The following GAN variants were observed in gnomAD, a reference collection of about 807,000 sequenced individuals.
GAN encodes gigaxonin.
A neutral mutation model predicts 71.3 loss-of-function variants in GAN; 48 were observed. The ratio of observed to expected loss-of-function variants is 0.67; its 90% CI spans 0.53 to 0.86. The LOEUF (loss-of-function observed/expected upper bound fraction) is 0.86. Ranked by LOEUF, GAN falls within the 40% of genes least tolerant of loss-of-function variation. The pLI, the probability that GAN is intolerant of heterozygous loss-of-function variation, is 0.00. For synonymous variants in GAN, 386 were observed against 276.8 expected (o/e 1.39, Z -3.92); for missense variants, 928 against 770.1 (o/e 1.21, Z -2.43).
At chr16:81,353,566 G>C (rs78856507) in intron 2 of GAN, among the ~76,000 whole-genome samples, 3,844 of 152,212 alleles carry the variant, frequency 0.025, 78 homozygotes, top group East Asian at 0.081. Flanking sequence ...GGTACAAAAA[G>C]TGTAAAATGT....
At chr16:81,361,806 C>T (rs1300847699) in intron 5 of GAN, among the ~76,000 whole-genome samples, 1 of 152,086 alleles carries the variant, frequency 6.6e-6, no homozygotes, top group Non-Finnish European at 1.5e-5. Context: ...GCGATCCTCC[C>T]ATTTCAGCCT....
intron 1 of GAN, among the ~76,000 whole-genome samples, chr16:81,317,865 A>AT (rs556655695): frequency 7.7e-4 from 114 of 147,638 alleles, no homozygotes; most frequent in African/African-American, 9.4e-4. Context: ...GAGAAGGCAG[A>AT]TTTTTTTTTT....
At position 81,382,149 on chromosome 16, in the gene GAN, C is replaced by T. The variant is rs1346790100; in HGVS notation, c.*4553C>T. ...AGGCAGGGCACTCTCCCCATTGTAC[C>T]AGGGTAATCTTGGAGGCCTGATAGA... On this transcript the variant is annotated 3_prime_UTR_variant, in exon 11 of 11. Coordinates refer to ENST00000648994, the MANE Select transcript of GAN (RefSeq NM_022041.4). 1.3e-5 allele frequency: 2 copies of T among 152,116 alleles called. No individual in the cohort carries two copies. Among genetic ancestry groups the T allele is most frequent in the Non-Finnish European group, 2.9e-5 (2 of 68,038 alleles). The allele number at this position is 152,116 out of a possible 1,614,324, so 9.4% of individuals were successfully genotyped here.
chr16:81,363,972 C>T (rs759194487), intron 7 of GAN, 29 bp downstream of exon 7: 13 of 1,562,498 alleles, frequency 8.3e-6, no homozygotes, highest in Admixed American at 3.3e-5. Context: ...GATAACTAGT[C>T]TGTGTACACA....
intron 1 of GAN, among the ~76,000 whole-genome samples, chr16:81,325,066 G>T (rs535238570): frequency 1.3e-5 from 2 of 152,084 alleles, no homozygotes; most frequent in Non-Finnish European, 2.9e-5. Context: ...TCCCAGGCAC[G>T]GATGCTCCCA....
chr16:81,337,702 G>A (rs1909809783), intron 1 of GAN, among the ~76,000 whole-genome samples: 1 of 152,178 alleles, frequency 6.6e-6, no homozygotes, highest in South Asian at 2.1e-4. Context: ...TTATTAGCTA[G>A]TAGCCAACGA....
chr16:81,360,971 CCCA>C (rs1415658246), intron 5 of GAN, among the ~76,000 whole-genome samples: 227 of 152,260 alleles, frequency 1.5e-3, no homozygotes, highest in African/African-American at 5.3e-3. Context: ...CACCTATAAT[CCCA>C]GCACTTTTGG....
In GAN at chr16:81,351,522, T is replaced by C. The variant is rs1910299455; in HGVS notation, c.168-61T>C. 3 of 783,370 alleles carry C rather than the reference T, an allele frequency of 3.8e-6. No homozygotes were observed. The Admixed American group carries it at 5.2e-5, about 13-fold the overall frequency. 48.5% of individuals were successfully genotyped at this position (783,370 alleles called of 1,614,324 possible). ...TATACGTTATAGAGTTTTGAGTACA[T>C]AAATATTTATAGCTATTTCTGTTCT... On this transcript the variant is annotated intron_variant, in intron 1 of 10. Transcript: ENST00000648994.
intron 1 of GAN, among the ~76,000 whole-genome samples, chr16:81,331,152 C>G (rs777424570): frequency 1.4e-4 from 22 of 152,220 alleles, no homozygotes; most frequent in Non-Finnish European, 2.4e-4. Flanking sequence ...CTGCAGTGAT[C>G]TGTGCTCGCA....
chr16:81,340,066 C>A (rs565642951), intron 1 of GAN, among the ~76,000 whole-genome samples: 1 of 152,092 alleles, frequency 6.6e-6, no homozygotes, highest in African/African-American at 2.4e-5. Context: ...GTATCCTCTG[C>A]CACCTGCTGA....
chr16:81,376,463 A>ATGTGTG (rs1491209902), intron 9 of GAN, among the ~76,000 whole-genome samples: 20 of 90,122 alleles, frequency 2.2e-4, no homozygotes, highest in South Asian at 7.9e-4. Flanking sequence ...TTATACATAC[A>ATGTGTG]TATGTGTGTG....
rs748209210 is a variant in GAN at position 81,365,406 on chromosome 16, G to A, written c.1430G>A (p.Arg477Gln). ...GAGCTGTATGTGTTTGGGGGAGTCC[G>A]AAGTCGTGAGGACGCCCAGGGTAGC... ...AMELYVFGGV[R>Q]SREDAQGSEM... Residue 477 changes from arginine to glutamine, a missense_variant, in exon 9 of 11, where the codon CGA becomes CAA. Arg to Gln is a conservative substitution (Grantham distance 43, BLOSUM62 1). Coordinates refer to ENST00000648994, the MANE Select transcript of GAN (RefSeq NM_022041.4). The A allele has an allele frequency of 1.2e-5, 20 of 1,613,496 alleles. No individual in the cohort carries two copies. The highest frequency in any genetic ancestry group is 5.0e-5 in the Admixed American group (3 of 59,960).
At chr16:81,365,167 C>A (rs568210159) in intron 8 of GAN, 57 bp downstream of exon 8, 2 of 1,583,676 alleles carry the variant, frequency 1.3e-6, no homozygotes, top group Admixed American at 1.7e-5. Flanking sequence ...GGGTCTGGAG[C>A]CCCTTACCCT....
At chr16:81,315,322 C>G (rs749807096) in intron 1 of GAN, 42 bp downstream of exon 1, 4 of 1,360,030 alleles carry the variant, frequency 2.9e-6, no homozygotes, top group South Asian at 1.7e-5. Context: ...CGGTGCTGCC[C>G]GGAGCCGGAG....
intron 1 of GAN, among the ~76,000 whole-genome samples, chr16:81,338,803 T>G (rs573991148): frequency 1.3e-5 from 2 of 152,160 alleles, no homozygotes; most frequent in African/African-American, 4.8e-5. Context: ...CCGGATAGAT[T>G]TGAGTGATGC....
intron 5 of GAN, 95 bp downstream of exon 5, chr16:81,358,026 A>G (rs1910549435): frequency 8.5e-6 from 9 of 1,059,546 alleles, no homozygotes; most frequent in South Asian, 1.3e-5. Context: ...TAAAGATACA[A>G]TTTTATTATC....
intron 1 of GAN, among the ~76,000 whole-genome samples, chr16:81,340,528 A>G (rs779409227): frequency 2.6e-5 from 4 of 152,048 alleles, no homozygotes; most frequent in Admixed American, 6.5e-5. Flanking sequence ...ACCCCCACAG[A>G]CCTGCAGCTG....
At chr16:81,369,682 G>T (rs1051160490) in intron 9 of GAN, among the ~76,000 whole-genome samples, 1 of 152,026 alleles carries the variant, frequency 6.6e-6, no homozygotes, top group East Asian at 1.9e-4. Flanking sequence ...AGCTCCACCT[G>T]CCGGGTTCAC....
At chr16:81,361,250 T>G (rs1236736997) in intron 5 of GAN, among the ~76,000 whole-genome samples, 1 of 152,032 alleles carries the variant, frequency 6.6e-6, no homozygotes, top group Non-Finnish European at 1.5e-5. Flanking sequence ...CAAAAAAAAA[T>G]TATTTGTAGC....
Sources: allele counts gnomAD v4.1 joint callset (sites outside exome capture counted in the v4.1 genomes callset), GRCh38; gene constraint gnomAD v4.1.1; transcripts MANE v1.5; gene names NCBI Gene and HGNC (gene_info 2026-07-23, HGNC 2026-07-21).